Variants in PLCB4 observed in about 807,000 individuals in gnomAD.
PLCB4 encodes the protein phospholipase C beta 4.
In PLCB4, 77 loss-of-function variants were observed where a neutral mutation model predicts 178.8. The ratio of observed to expected loss-of-function variants is 0.43; its 90% CI spans 0.36 to 0.52. The LOEUF (loss-of-function observed/expected upper bound fraction) is 0.52. PLCB4 is among the 20% of genes least tolerant of loss of function. The pLI is 0.00. For synonymous variants in PLCB4, 496 were observed against 490.8 expected, an observed-to-expected ratio of 1.01 and a Z score of -0.14; for missense variants, 1,024 against 1,453.4, an observed-to-expected ratio of 0.70 and a Z score of 4.80.
intron 2 of PLCB4, among the ~76,000 whole-genome samples, chr20:9,182,525 T>G (rs1251352352): frequency 2.0e-5 from 3 of 152,198 alleles, no homozygotes; most frequent in Non-Finnish European, 4.4e-5. Flanking sequence ...GCATCTGTAG[T>G]ATTTACTGAG....
At chr20:9,089,798 T>G (rs553426610) in intron 1 of PLCB4, among the ~76,000 whole-genome samples, 1 of 152,292 alleles carries the variant, frequency 6.6e-6, no homozygotes, top group African/African-American at 2.4e-5. Flanking sequence ...AATAAGGAAG[T>G]ATTTTCACAC....
intron 3 of PLCB4, among the ~76,000 whole-genome samples, chr20:9,235,567 C>T (rs1287178493): frequency 6.6e-6 from 1 of 152,164 alleles, no homozygotes; most frequent in Non-Finnish European, 1.5e-5. Flanking sequence ...TTTCAAAAAT[C>T]TCAGAGAAGA....
chr20:9,429,492 A>G (rs2041250619), intron 28 of PLCB4, among the ~76,000 whole-genome samples: 1 of 152,172 alleles, frequency 6.6e-6, no homozygotes, highest in African/African-American at 2.4e-5. Flanking sequence ...AATATGCAAA[A>G]CTTTGGCCAA....
At chr20:9,335,348 C>G (rs1464096079) in intron 4 of PLCB4, among the ~76,000 whole-genome samples, 3 of 152,102 alleles carry the variant, frequency 2.0e-5, no homozygotes, top group Non-Finnish European at 4.4e-5. Context: ...CTGTCATTCT[C>G]TTGAAGTGCT....
At chr20:9,219,509 G>A (rs531365855) in intron 3 of PLCB4, among the ~76,000 whole-genome samples, 1 of 152,198 alleles carries the variant, frequency 6.6e-6, no homozygotes, top group South Asian at 2.1e-4. Flanking sequence ...CCAGATCCTG[G>A]GGCTGAAACA....
At chr20:9,255,172 T>C (rs2094220643) in intron 3 of PLCB4, among the ~76,000 whole-genome samples, 1 of 152,222 alleles carries the variant, frequency 6.6e-6, no homozygotes, top group Non-Finnish European at 1.5e-5. Flanking sequence ...AATCTCATCA[T>C]CCTCTATGGC....
At chr20:9,164,341 G>A (rs1044654344) in intron 2 of PLCB4, among the ~76,000 whole-genome samples, 1 of 151,772 alleles carries the variant, frequency 6.6e-6, no homozygotes, top group African/African-American at 2.4e-5. Flanking sequence ...TTATTTGCAT[G>A]CACCCTTGTG....
rs527648914 is a variant in PLCB4 at position 9,140,127 on chromosome 20, C to A, written c.-79+43785C>A. ...TAAGTTTGTCTAATATGCGTCTTTC[C>A]TTTCTGCTCTGTGTCCCTGAGACAA... On this transcript the variant is annotated intron_variant, in intron 2 of 39. Coordinates refer to ENST00000378473, the MANE Select transcript of PLCB4 (RefSeq NM_001377142.1). 9.9e-5 allele frequency among the ~76,000 whole-genome samples: 15 copies of A among 152,038 alleles called. 1 individual carries two copies. Among genetic ancestry groups the A allele is most frequent in the Admixed American group, 7.9e-4 (12 of 15,236 alleles).
At chr20:9,348,601 C>T (rs988756240) in intron 7 of PLCB4, among the ~76,000 whole-genome samples, 5 of 152,098 alleles carry the variant, frequency 3.3e-5, no homozygotes, top group African/African-American at 9.7e-5. Flanking sequence ...TGTGGCACAT[C>T]TCTAGGCCTC....
intron 2 of PLCB4, among the ~76,000 whole-genome samples, chr20:9,169,585 T>TAATAAATAAATAAATA (rs11473517): frequency 5.5e-5 from 8 of 144,492 alleles, no homozygotes; most frequent in African/African-American, 2.1e-4. Flanking sequence ...CAAGACTGTC[T>TAATAAATAAATAAATA]AATAAATAAA....
chr20:9,363,990 C>T (rs1568657943), intron 8 of PLCB4, among the ~76,000 whole-genome samples: 1 of 152,198 alleles, frequency 6.6e-6, no homozygotes, highest in Non-Finnish European at 1.5e-5. Flanking sequence ...TACACTTGTG[C>T]CTCACTGTCC....
At chr20:9,206,872 C>G (rs1043113115) in intron 2 of PLCB4, among the ~76,000 whole-genome samples, 3 of 152,102 alleles carry the variant, frequency 2.0e-5, no homozygotes, top group Non-Finnish European at 4.4e-5. Context: ...AAAACCAATA[C>G]CCTTGGGAGG....
chr20:9,396,107 T>C (rs73248707), intron 19 of PLCB4, among the ~76,000 whole-genome samples: 1,695 of 152,344 alleles, frequency 0.011, 20 homozygotes, highest in African/African-American at 0.032. Flanking sequence ...TTTTTCTGGC[T>C]ACTAAATTTT....
At chr20:9,191,467 C>G (rs2093403197) in intron 2 of PLCB4, among the ~76,000 whole-genome samples, 1 of 142,380 alleles carries the variant, frequency 7.0e-6, no homozygotes, top group South Asian at 2.3e-4. Flanking sequence ...GTAACTTGAT[C>G]TTGGACTTTG....
intron 2 of PLCB4, among the ~76,000 whole-genome samples, chr20:9,135,968 G>A (rs1365156300): frequency 6.6e-6 from 1 of 152,114 alleles, no homozygotes; most frequent in Non-Finnish European, 1.5e-5. Context: ...AGAAAATTGA[G>A]GCCTGGGGAG....
intron 38 of PLCB4, among the ~76,000 whole-genome samples, chr20:9,473,605 A>G (rs896293633): frequency 6.6e-6 from 1 of 152,252 alleles, no homozygotes; most frequent in African/African-American, 2.4e-5. Flanking sequence ...TATGGGGATT[A>G]TGTGAATTCT....
chr20:9,287,342 T>C (rs543181902), intron 3 of PLCB4, among the ~76,000 whole-genome samples: 1 of 152,124 alleles, frequency 6.6e-6, no homozygotes, highest in East Asian at 1.9e-4. Context: ...TTACTGGCAC[T>C]TGAACTGAAT....
At chr20:9,409,920 G>A (rs751365667) in intron 24 of PLCB4, among the ~76,000 whole-genome samples, 28 of 152,186 alleles carry the variant, frequency 1.8e-4, no homozygotes, top group Non-Finnish European at 3.8e-4. Flanking sequence ...CCTCTTCACT[G>A]TAGATGGTCA....
chr20:9,097,791 C>T lies in PLCB4; in HGVS notation c.-79+1449C>T, dbSNP rs562720568. On this transcript the variant is annotated intron_variant, in intron 2 of 39. Coordinates refer to ENST00000378473, the MANE Select transcript of PLCB4 (RefSeq NM_001377142.1). ...TTGCTCACATGTTACTTATAAAGCA[C>T]CCACCTCTAGATAGCAAAAAGTGAA... Among the ~76,000 whole-genome samples, 417 of 152,172 alleles carry T rather than the reference C, an allele frequency of 2.7e-3. 1 individual carries two copies. Among genetic ancestry groups the T allele is most frequent in the African/African-American group, 9.3e-3 (388 of 41,514 alleles).
Sources: allele counts gnomAD v4.1 joint callset (sites outside exome capture counted in the v4.1 genomes callset), GRCh38; gene constraint gnomAD v4.1.1; transcripts MANE v1.5; gene names NCBI Gene and HGNC (gene_info 2026-07-23, HGNC 2026-07-21).